SLC2A9: variants seen among roughly 807,000 people sequenced by gnomAD.
SLC2A9 encodes solute carrier family 2, facilitated glucose transporter member 9.
SLC2A9 carries 39 observed loss-of-function variants against 50.6 expected under a neutral mutation model. The ratio of observed to expected loss-of-function variants is 0.77; its 90% CI spans 0.60 to 1.01. The LOEUF (loss-of-function observed/expected upper bound fraction) is 1.01, where lower values mean the gene tolerates loss of function less well. SLC2A9 is among the 50% of genes least tolerant of loss of function. The pLI, the probability that SLC2A9 is intolerant of heterozygous loss-of-function variation, is 0.00. For missense variants in SLC2A9, 686 were observed against 677.6 expected (o/e 1.01, Z -0.14); for synonymous variants, 324 against 276.9 (o/e 1.17, Z -1.69).
At chr4:9,780,246 T>C (rs1207725783) in intron 3 of SLC2A9, among the ~76,000 whole-genome samples, 3 of 152,084 alleles carry the variant, frequency 2.0e-5, no homozygotes, top group Non-Finnish European at 4.4e-5. Context: ...GGGCAGAGAC[T>C]GGAGGCCAGG....
intron 3 of SLC2A9, among the ~76,000 whole-genome samples, chr4:9,803,678 T>C (rs1311576852): frequency 6.6e-6 from 1 of 152,218 alleles, no homozygotes; most frequent in African/African-American, 2.4e-5. Flanking sequence ...GCACTTGCTA[T>C]CACTTGATAT....
chr4:9,854,191 A>G (rs570368861), intron 10 of SLC2A9, among the ~76,000 whole-genome samples: 2 of 152,298 alleles, frequency 1.3e-5, no homozygotes, highest in Admixed American at 1.3e-4. Context: ...AATATCAATG[A>G]ATTCAAGAGT....
intron 5 of SLC2A9, among the ~76,000 whole-genome samples, chr4:9,960,326 G>C (rs1420075517): frequency 6.6e-6 from 1 of 152,140 alleles, no homozygotes; most frequent in Non-Finnish European, 1.5e-5. Context: ...CCAGCCCCAG[G>C]TATCACCCTC....
At chr4:10,019,811 G>A (rs1240664862) in intron 1 of SLC2A9, among the ~76,000 whole-genome samples, 2 of 152,238 alleles carry the variant, frequency 1.3e-5, no homozygotes, top group Non-Finnish European at 2.9e-5. Context: ...CAGAGAACAG[G>A]GCGCCTGCCT....
At chr4:9,845,868 T>G (rs372024329) in intron 10 of SLC2A9, among the ~76,000 whole-genome samples, 5 of 152,270 alleles carry the variant, frequency 3.3e-5, no homozygotes, top group African/African-American at 1.2e-4. Context: ...TTTTCTTTTA[T>G]TGAAATACAG....
downstream of SLC2A9, among the ~76,000 whole-genome samples, chr4:9,795,982 T>C (rs1170856215): frequency 1.3e-5 from 2 of 152,194 alleles, no homozygotes; most frequent in Non-Finnish European, 2.9e-5. Flanking sequence ...TAGGTACAAG[T>C]AATAGTCCCA....
At chr4:9,869,320 C>A (rs1185847535) in intron 10 of SLC2A9, among the ~76,000 whole-genome samples, 1 of 152,212 alleles carries the variant, frequency 6.6e-6, no homozygotes, top group Non-Finnish European at 1.5e-5. Flanking sequence ...CTGCTTAAAA[C>A]CCAACAGTAG....
upstream of SLC2A9, among the ~76,000 whole-genome samples, chr4:10,025,270 G>A (rs904624942): frequency 2.6e-5 from 4 of 152,212 alleles, no homozygotes; most frequent in Non-Finnish European, 5.9e-5. Flanking sequence ...TAGCCACATA[G>A]CCTTGGACAA....
chr4:9,836,959 A>G (rs995101935), intron 10 of SLC2A9, among the ~76,000 whole-genome samples: 14 of 152,210 alleles, frequency 9.2e-5, no homozygotes, highest in African/African-American at 3.4e-4. Flanking sequence ...CAAGCAGCCC[A>G]GGGTGACAAA....
At chr4:9,821,258 T>G (rs1354113703), downstream of SLC2A9, among the ~76,000 whole-genome samples, 4 of 152,224 alleles carry the variant, frequency 2.6e-5, no homozygotes, top group African/African-American at 7.2e-5. Flanking sequence ...TGAAACAGTT[T>G]TGCATTTCTC....
At chr4:9,924,365 CCCCAGGAGCAG>C (rs1744513816) in intron 6 of SLC2A9, among the ~76,000 whole-genome samples, 1 of 152,296 alleles carries the variant, frequency 6.6e-6, no homozygotes, top group Admixed American at 6.5e-5. Flanking sequence ...CAGTTAACAC[CCCCAGGAGCAG>C]CCCTCGGTTA....
intron 4 of SLC2A9, 87 bp downstream of exon 4, chr4:9,985,582 C>G: frequency 6.4e-7 from 1 of 1,559,808 alleles, no homozygotes; most frequent in Non-Finnish European, 8.8e-7. Context: ...GAGCCCCAGT[C>G]ATGTGACAGC....
intron 3 of SLC2A9, among the ~76,000 whole-genome samples, chr4:9,816,344 C>T (rs964167952): frequency 1.3e-5 from 2 of 151,742 alleles, no homozygotes; most frequent in Non-Finnish European, 2.9e-5. Flanking sequence ...ACTTATGGCT[C>T]GACAGAGAGG....
intron 6 of SLC2A9, among the ~76,000 whole-genome samples, chr4:9,927,720 G>A (rs1222748369): frequency 1.3e-5 from 2 of 152,196 alleles, no homozygotes; most frequent in Non-Finnish European, 2.9e-5. Context: ...AACAAGGGGT[G>A]TAGGAGGAGA....
chr4:9,944,678 G>C (rs139622546), intron 5 of SLC2A9, among the ~76,000 whole-genome samples: 1 of 152,334 alleles, frequency 6.6e-6, no homozygotes, highest in East Asian at 1.9e-4. Context: ...GGAGTGTCCA[G>C]AGTGGAGCTC....
At chr4:9,950,713 G>GC (rs1393569503) in intron 5 of SLC2A9, among the ~76,000 whole-genome samples, 7,536 of 46,150 alleles carry the variant, frequency 0.16, 1,966 homozygotes, top group African/African-American at 0.39. Flanking sequence ...CTAACACGGT[G>GC]AAACCCTGTC....
chr4:9,836,497 A>G (rs1013362643), intron 10 of SLC2A9, among the ~76,000 whole-genome samples: 1 of 151,926 alleles, frequency 6.6e-6, no homozygotes, highest in Non-Finnish European at 1.5e-5. Flanking sequence ...GATCATGCCG[A>G]GTGGAGGGAG....
intron 9 of SLC2A9, among the ~76,000 whole-genome samples, chr4:9,888,687 T>G (rs1736755827): frequency 6.6e-6 from 1 of 151,028 alleles, no homozygotes; most frequent in South Asian, 2.1e-4. Flanking sequence ...GAGGTTCCAG[T>G]AGGGGGTTCA....
intron 1 of SLC2A9, among the ~76,000 whole-genome samples, chr4:9,771,791 T>C (rs1407704268): frequency 6.6e-6 from 1 of 152,058 alleles, no homozygotes; most frequent in African/African-American, 2.4e-5. Flanking sequence ...CTGGTGTGCA[T>C]TGGTGTGGGG....
Sources: gnomAD v4.1 joint callset for allele counts (sites outside exome capture counted in the v4.1 genomes callset) on GRCh38, gnomAD v4.1.1 for gene constraint, MANE v1.5 for transcripts, NCBI Gene and HGNC (gene_info 2026-07-23, HGNC 2026-07-21) for gene names.